Variants in USP37 observed in about 807,000 individuals in gnomAD.
USP37 encodes ubiquitin specific peptidase 37.
USP37 carries 27 observed loss-of-function variants against 124.0 expected under a neutral mutation model. That is an observed-to-expected ratio of 0.22 (90% CI 0.16 to 0.30). The LOEUF is 0.30. Among genes scored for constraint, USP37 ranks in the 10% least tolerant of loss-of-function variants. The pLI is 1.00. For synonymous variants in USP37, 365 were observed against 388.0 expected, an observed-to-expected ratio of 0.94 and a Z score of 0.70; for missense variants, 889 against 1,140.4, an observed-to-expected ratio of 0.78 and a Z score of 3.17.
At chr2:218,509,130 C>T (rs1689842386) in intron 11 of USP37, among the ~76,000 whole-genome samples, 1 of 152,080 alleles carries the variant, frequency 6.6e-6, no homozygotes, top group African/African-American at 2.4e-5. Flanking sequence ...AAAAGAGAAA[C>T]CTTATGCACA....
chr2:218,500,219 C>T (rs993216867), intron 11 of USP37, among the ~76,000 whole-genome samples: 3 of 151,838 alleles, frequency 2.0e-5, no homozygotes, highest in African/African-American at 7.3e-5. Context: ...GGGTGACAGG[C>T]GTGTGCCACC....
intron 10 of USP37, among the ~76,000 whole-genome samples, chr2:218,525,401 C>A (rs916517734): frequency 2.0e-5 from 3 of 152,150 alleles, no homozygotes; most frequent in African/African-American, 7.2e-5. Flanking sequence ...GGAGGATCAC[C>A]TGAGCCCAGG....
intron 10 of USP37, among the ~76,000 whole-genome samples, chr2:218,514,597 A>G (rs776511288): frequency 6.6e-6 from 1 of 152,156 alleles, no homozygotes; most frequent in Non-Finnish European, 1.5e-5. Flanking sequence ...TGGTTAAGGT[A>G]TCTTCTGGGT....
chr2:218,515,149 C>T (rs1188678111), intron 10 of USP37, among the ~76,000 whole-genome samples: 1 of 152,060 alleles, frequency 6.6e-6, no homozygotes, highest in Non-Finnish European at 1.5e-5. Flanking sequence ...TCAGGGTCTG[C>T]AAGCTACCAC....
At chr2:218,567,995 A>C (rs185463894) in intron 1 of USP37, among the ~76,000 whole-genome samples, 183 bp downstream of exon 1, 51 of 152,336 alleles carry the variant, frequency 3.3e-4, no homozygotes, top group Non-Finnish European at 6.3e-4. Context: ...GGAGAGGTGG[A>C]AGCCGGGGCA....
chr2:218,487,710 C>T (rs191883767), intron 15 of USP37, among the ~76,000 whole-genome samples: 13 of 152,170 alleles, frequency 8.5e-5, no homozygotes, highest in South Asian at 4.1e-4. Flanking sequence ...TGAGCCACTG[C>T]GCCTGGCCAA....
At chr2:218,549,138 T>C (rs1481494651) in intron 6 of USP37, among the ~76,000 whole-genome samples, 2 of 152,186 alleles carry the variant, frequency 1.3e-5, no homozygotes, top group Non-Finnish European at 1.5e-5. Flanking sequence ...ATGTTGATTA[T>C]GATGACGATT....
intron 2 of USP37, among the ~76,000 whole-genome samples, chr2:218,562,131 G>A (rs1221283912): frequency 6.6e-6 from 1 of 152,130 alleles, no homozygotes; most frequent in Non-Finnish European, 1.5e-5. Context: ...ACCTGCTTTT[G>A]CACTAAATGA....
At chr2:218,519,787 T>A (rs1013145357) in intron 10 of USP37, among the ~76,000 whole-genome samples, 1 of 151,962 alleles carries the variant, frequency 6.6e-6, no homozygotes, top group South Asian at 2.1e-4. Flanking sequence ...GTATTATTAG[T>A]AGAGACGGGG....
chr2:218,531,206 T>G (rs968343064), intron 9 of USP37, among the ~76,000 whole-genome samples: 2 of 152,232 alleles, frequency 1.3e-5, no homozygotes, highest in African/African-American at 4.8e-5. Flanking sequence ...AAGGACAGGC[T>G]GACTCTCTTG....
intron 8 of USP37, among the ~76,000 whole-genome samples, chr2:218,542,895 A>G (rs1040612439): frequency 6.6e-6 from 1 of 152,226 alleles, no homozygotes; most frequent in Non-Finnish European, 1.5e-5. Flanking sequence ...ATTTGTTATT[A>G]AAAGTAGGGT....
At chr2:218,458,210 A>T in intron 23 of USP37, among the ~76,000 whole-genome samples, 1 of 139,544 alleles carries the variant, frequency 7.2e-6, no homozygotes, top group African/African-American at 2.6e-5. Context: ...AGCCAAGAGC[A>T]CACGCCACTG....
chr2:218,540,147 A>G (rs1691892655), intron 8 of USP37, among the ~76,000 whole-genome samples: 1 of 152,182 alleles, frequency 6.6e-6, no homozygotes, highest in African/African-American at 2.4e-5. Flanking sequence ...ATTAAGTAAT[A>G]TAAGGGTTAC....
At chr2:218,479,196 T>C (rs1691122291) in intron 18 of USP37, among the ~76,000 whole-genome samples, 1 of 152,170 alleles carries the variant, frequency 6.6e-6, no homozygotes, top group African/African-American at 2.4e-5. Context: ...TCCTGTCCCC[T>C]TTCAAAACAA....
chr2:218,506,605 CTTTT>C (rs35770553), intron 11 of USP37, among the ~76,000 whole-genome samples: 4 of 136,266 alleles, frequency 2.9e-5, no homozygotes, highest in Admixed American at 7.4e-5. Flanking sequence ...TTTTATACTT[CTTTT>C]TTTTTTTTTT....
chr2:218,488,894 C>A (rs1691748477), intron 14 of USP37, among the ~76,000 whole-genome samples: 1 of 152,084 alleles, frequency 6.6e-6, no homozygotes, highest in African/African-American at 2.4e-5. Flanking sequence ...CTTAGCCTCC[C>A]AAAGTACTGG....
chr2:218,459,202 G>A (rs1689870600), intron 23 of USP37, among the ~76,000 whole-genome samples: 1 of 151,918 alleles, frequency 6.6e-6, no homozygotes, highest in Non-Finnish European at 1.5e-5. Context: ...TGTAACTAAA[G>A]GTAATTTTTT....
chr2:218,454,843 T>C lies in USP37; in HGVS notation c.*87A>G. On this transcript the variant is annotated 3_prime_UTR_variant, in exon 26 of 26. Coordinates refer to ENST00000258399, the MANE Select transcript of USP37 (RefSeq NM_020935.3). ...TTTGTTGCTCCCGCATCAAGTAGAATTCCAAATTCTCCTTCAGCAGAGGAA... is the reference window on the plus strand; with the variant it reads ...TTTGTTGCTCCCGCATCAAGTAGAACTCCAAATTCTCCTTCAGCAGAGGAA... The C allele has an allele frequency of 1.9e-6, 3 of 1,560,514 alleles. No homozygotes were observed. The highest frequency in any genetic ancestry group is 2.3e-5 in the East Asian group (1 of 44,060).
chr2:218,462,385 T>C (rs1158005533), intron 22 of USP37, among the ~76,000 whole-genome samples: 2 of 152,004 alleles, frequency 1.3e-5, no homozygotes, highest in Admixed American at 1.3e-4. Flanking sequence ...CCTCTGAAAC[T>C]GGGGGATAAG....
Sources: allele counts gnomAD v4.1 joint callset (sites outside exome capture counted in the v4.1 genomes callset), GRCh38; gene constraint gnomAD v4.1.1; transcripts MANE v1.5; gene names NCBI Gene and HGNC (gene_info 2026-07-23, HGNC 2026-07-21).